ZNF141: variants seen among roughly 807,000 people sequenced by gnomAD.
The protein encoded by ZNF141 is zinc finger protein 141, also known as zinc finger protein 141 (clone pHZ-44).
Under a neutral mutation model 11.3 loss-of-function variants are expected in ZNF141, and 7 were observed. The observed-to-expected ratio is 0.62, with a 90% CI of 0.35 to 1.16. The LOEUF (loss-of-function observed/expected upper bound fraction) is 1.16, where lower values mean the gene tolerates loss of function less well. ZNF141 is among the 50% of genes most tolerant of loss of function. The pLI, the probability that ZNF141 is intolerant of heterozygous loss-of-function variation, is 0.02. For synonymous variants in ZNF141, 183 were observed against 190.7 expected (o/e 0.96, Z 0.33); for missense variants, 535 against 554.0 (o/e 0.97, Z 0.34).
chr4:363,856 A>T (rs1024311415), intron 3 of ZNF141, among the ~76,000 whole-genome samples: 1 of 151,934 alleles, frequency 6.6e-6, no homozygotes, highest in African/African-American at 2.4e-5. Context: ...TTATTTTGAG[A>T]TACGTTCCAT....
chr4:383,280 C>A lies in ZNF141; in HGVS notation c.*9418C>A. On this transcript the variant is annotated 3_prime_UTR_variant, in exon 4 of 4. Transcript: ENST00000240499. The stretch of plus-strand genomic sequence containing the variant: ...CCCAGAAGAATGGCCCGGCTGAGCC[C>A]AGCCTAAATTTCTAACCAGCTCAAT... The A allele has an allele frequency of 3.2e-6, 2 of 626,260 alleles. No homozygotes were observed. Among genetic ancestry groups the A allele is most frequent in the Non-Finnish European group, 5.7e-6 (2 of 353,192 alleles). The allele number at this position is 626,260 out of a possible 1,614,324, so 38.8% of individuals were successfully genotyped here.
rs1712242455 is a variant in ZNF141 at position 374,135 on chromosome 4, A to G, written c.*273A>G. 2.1e-6 allele frequency: 1 copy of G among 479,702 alleles called. No homozygotes were observed. Among genetic ancestry groups the G allele is most frequent in the Non-Finnish European group, 3.7e-6 (1 of 267,330 alleles). 29.7% of individuals were successfully genotyped at this position (479,702 alleles called of 1,614,324 possible). The stretch of plus-strand genomic sequence containing the variant: ...CTGGAGATAAACCCTGCAAATGTAA[A>G]GAGTGTAACAAAACCTTTAAACAGC... On this transcript the variant is annotated 3_prime_UTR_variant, in exon 4 of 4. Transcript: ENST00000240499.
chr4:342,796 T>C, intron 1 of ZNF141: 1 of 1,583,652 alleles, frequency 6.3e-7, no homozygotes, highest in Non-Finnish European at 8.7e-7. Flanking sequence ...TTGAAAATAA[T>C]ACAGCACTAC....
chr4:342,967 T>C, intron 1 of ZNF141: 2 of 1,454,362 alleles, frequency 1.4e-6, no homozygotes, highest in South Asian at 2.3e-5. Flanking sequence ...TGAGACCTTA[T>C]TTTTTAAAAT....
At chr4:369,748 ATATATATATATATATATTTTTTTTTT>A (rs1560196706) in intron 3 of ZNF141, among the ~76,000 whole-genome samples, 1 of 36,324 alleles carries the variant, frequency 2.8e-5, no homozygotes, top group African/African-American at 1.1e-4. Context: ...ATATATATAT[ATATATATATATATATATTTTTTTTTT>A]TTTTTTTTTT....
chr4:350,300 T>C (rs1553850245), intron 3 of ZNF141: 1 of 496,486 alleles, frequency 2.0e-6, no homozygotes, highest in Non-Finnish European at 4.2e-6. Context: ...ACCCTAACCA[T>C]AGGCAAGCAC....
chr4:366,321 C>CT (rs1437903025), intron 3 of ZNF141, among the ~76,000 whole-genome samples: 1 of 152,046 alleles, frequency 6.6e-6, no homozygotes, highest in Non-Finnish European at 1.5e-5. Context: ...TTGTTGTTTG[C>CT]TTTTTGAGAC....
intron 1 of ZNF141, among the ~76,000 whole-genome samples, chr4:339,329 A>C (rs1553848063): frequency 6.6e-6 from 1 of 152,228 alleles, no homozygotes; most frequent in African/African-American, 2.4e-5. Flanking sequence ...GTTAGAGCTT[A>C]GCCCTGCCTG....
In ZNF141 at chr4:381,447, C is replaced by T. The variant is rs943113622; in HGVS notation, c.*7585C>T. Among the ~76,000 whole-genome samples, 8 of 122,806 alleles carry T rather than the reference C, an allele frequency of 6.5e-5. No homozygotes were observed. The highest frequency in any genetic ancestry group is 3.4e-4 in the Admixed American group (3 of 8,816). The allele number at this position is 122,806 out of a possible 152,430, so 80.6% of individuals were successfully genotyped here. A position where few individuals can be genotyped will look rare whatever the true frequency, so the allele number is the denominator to read the frequency against. On this transcript the variant is annotated 3_prime_UTR_variant, in exon 4 of 4. Transcript: ENST00000240499. The stretch of plus-strand genomic sequence containing the variant: ...TTTTTGAGACGTTGTCTTGCTCTGT[C>T]GCCCAGGCTGGAGTGCAGTGGTGCA...
rs1407450442 is a variant in ZNF141, at chr4:384,092, G to A, written c.*10230G>A. 2.6e-5 allele frequency: 4 copies of A among 152,220 alleles called. No homozygotes were observed. Among genetic ancestry groups the A allele is most frequent in the Non-Finnish European group, 5.9e-5 (4 of 68,054 alleles). The allele number at this position is 152,220 out of a possible 1,614,324, so 9.4% of individuals were successfully genotyped here. ...TGGTAACAGAAGTGCAGGTATATGT[G>A]GATGCATGTGATTGGTACTTAAACT... On this transcript the variant is annotated 3_prime_UTR_variant, in exon 4 of 4. Transcript: ENST00000240499.
chr4:344,516 C>A, intron 3 of ZNF141, 86 bp downstream of exon 3: 1 of 1,214,434 alleles, frequency 8.2e-7, no homozygotes, highest in Non-Finnish European at 1.2e-6. Context: ...TGGTTTGGGG[C>A]CGGGTGCAGT....
chr4:372,709 T>C lies in ZNF141; in HGVS notation c.272T>C (p.Ile91Thr), dbSNP rs782690604. 4 of 1,605,080 alleles carry C rather than the reference T, an allele frequency of 2.5e-6. No individual in the cohort carries two copies. The highest frequency in any genetic ancestry group is 3.4e-6 in the Non-Finnish European group (4 of 1,174,946). ...FTQDHWPVQGIEDSFHKLILR... is the reference protein window; with the variant it reads ...FTQDHWPVQGTEDSFHKLILR... ...CAAGACCATTGGCCAGTGCAGGGCA[T>C]AGAAGATTCATTCCACAAACTTATA... is the stretch of plus-strand genomic sequence containing the variant. Residue 91 changes from isoleucine (I) to threonine (T), a missense_variant, in exon 4 of 4, where the codon ATA (isoleucine) becomes ACA (threonine). Physicochemically the swap from Ile to Thr is moderately conservative, Grantham distance 89 (BLOSUM62 -1). Coordinates refer to ENST00000240499, the MANE Select transcript of ZNF141 (RefSeq NM_003441.4).
intron 3 of ZNF141, among the ~76,000 whole-genome samples, chr4:345,283 C>T (rs1581584877): frequency 6.6e-6 from 1 of 152,072 alleles, no homozygotes; most frequent in South Asian, 2.1e-4. Flanking sequence ...GAACAATAAG[C>T]ATTTCCTAAA....
chr4:349,754 A>G (rs60750098), intron 3 of ZNF141, among the ~76,000 whole-genome samples: 9,577 of 151,976 alleles, frequency 0.063, 497 homozygotes, highest in African/African-American at 0.14. Flanking sequence ...ATTACCAGAG[A>G]TTTGGACAGT....
rs561315598 is a variant in ZNF141, at chr4:376,287, A to G, written c.*2425A>G. On this transcript the variant is annotated 3_prime_UTR_variant, in exon 4 of 4. Transcript: ENST00000240499. ...AAATACATTGAAGAATATCATTCCCATATGTTGTATTTTCACTCTTGTTAT... is the reference window on the plus strand; with the variant it reads ...AAATACATTGAAGAATATCATTCCCGTATGTTGTATTTTCACTCTTGTTAT... Among the ~76,000 whole-genome samples, 1 of 152,108 alleles carries G rather than the reference A, an allele frequency of 6.6e-6. No individual in the cohort carries two copies. The highest frequency in any genetic ancestry group is 2.1e-4 in the South Asian group (1 of 4,826).
At chr4:365,646 T>A (rs1553852854) in intron 3 of ZNF141, among the ~76,000 whole-genome samples, 1 of 152,270 alleles carries the variant, frequency 6.6e-6, no homozygotes, top group Non-Finnish European at 1.5e-5. Context: ...TTTAGTTTGT[T>A]GTAATCCCAT....
intron 3 of ZNF141, among the ~76,000 whole-genome samples, chr4:370,993 A>G (rs1315874596): frequency 5.3e-5 from 8 of 151,892 alleles, no homozygotes; most frequent in Non-Finnish European, 5.9e-5. Context: ...CGGCCTCTCA[A>G]AGTGCTGGGA....
chr4:363,223 T>C (rs535358910), intron 3 of ZNF141, among the ~76,000 whole-genome samples: 2 of 152,298 alleles, frequency 1.3e-5, no homozygotes, highest in Admixed American at 1.3e-4. Flanking sequence ...GCACATTGAT[T>C]TTGTGTCCTG....
At chr4:372,453 A>G (rs1712114504) in intron 3 of ZNF141, among the ~76,000 whole-genome samples, 1 of 152,214 alleles carries the variant, frequency 6.6e-6, no homozygotes, top group Admixed American at 6.5e-5. Context: ...TACCTGAGGC[A>G]TTGCATACAA....
Sources: gnomAD v4.1 joint callset for allele counts (sites outside exome capture counted in the v4.1 genomes callset) on GRCh38, gnomAD v4.1.1 for gene constraint, MANE v1.5 for transcripts, NCBI Gene and HGNC (gene_info 2026-07-23, HGNC 2026-07-21) for gene names.